KLF8: variants seen among roughly 807,000 people sequenced by gnomAD.
KLF8 encodes Krueppel-like factor 8.
A neutral mutation model predicts 18.2 loss-of-function variants in KLF8; 10 were observed. The observed-to-expected ratio is 0.55, with a 90% CI of 0.34 to 0.93. KLF8 has a LOEUF of 0.93. Among genes scored for constraint, KLF8 ranks in the 40% least tolerant of loss-of-function variants. KLF8 has a pLI of 0.02. For synonymous variants in KLF8, 109 were observed against 97.3 expected, an observed-to-expected ratio of 1.12 and a Z score of -0.71; for missense variants, 264 against 277.9, an observed-to-expected ratio of 0.95 and a Z score of 0.36.
At chrX:55,916,162 T>C in the KLF8 span, among the ~76,000 whole-genome samples, 3 of 112,015 alleles carry the variant, frequency 2.7e-5, no homozygotes, top group East Asian at 2.8e-4. Flanking sequence ...GGTCATGTAA[T>C]ATAAGCTATT....
At chrX:56,073,440 GAGTAATGCTGC>G in the KLF8 span, among the ~76,000 whole-genome samples, 5 of 111,617 alleles carry the variant, frequency 4.5e-5, no homozygotes, top group South Asian at 1.9e-3. Flanking sequence ...TGCTCATTGT[GAGTAATGCTGC>G]AGTGAACATT....
At chrX:56,168,481 A>G in the KLF8 span, among the ~76,000 whole-genome samples, 1 of 112,352 alleles carries the variant, frequency 8.9e-6, no homozygotes. Flanking sequence ...GACCTTTTAC[A>G]CATAAACATA....
the KLF8 span, among the ~76,000 whole-genome samples, chrX:56,220,834 G>T: frequency 8.9e-6 from 1 of 112,467 alleles, no homozygotes; most frequent in African/African-American, 3.2e-5. Flanking sequence ...AATTCTTTGA[G>T]AGGCACTTCT....
chrX:56,221,045 T>A, the KLF8 span, among the ~76,000 whole-genome samples: 1 of 112,281 alleles, frequency 8.9e-6, no homozygotes, highest in East Asian at 2.8e-4. Flanking sequence ...GGCAAAATAA[T>A]TTAAGTTAAA....
chrX:56,201,093 G>A, the KLF8 span, among the ~76,000 whole-genome samples: 1 of 111,755 alleles, frequency 8.9e-6, no homozygotes, highest in Non-Finnish European at 1.9e-5. Context: ...ATATGATTTA[G>A]CAATCCCACT....
chrX:56,136,875 C>A, the KLF8 span, among the ~76,000 whole-genome samples: 7 of 110,578 alleles, frequency 6.3e-5, no homozygotes, highest in African/African-American at 2.3e-4. Context: ...AGCTAATACC[C>A]AGAATTTACA....
At chrX:56,082,026 A>T in the KLF8 span, among the ~76,000 whole-genome samples, 1 of 111,358 alleles carries the variant, frequency 9.0e-6, no homozygotes, top group African/African-American at 3.3e-5. Flanking sequence ...GAGATGGATT[A>T]GTGTTGATTC....
At chrX:56,241,351 G>C in intron 1 of KLF8, among the ~76,000 whole-genome samples, 1 of 111,183 alleles carries the variant, frequency 9.0e-6, no homozygotes, top group Non-Finnish European at 1.9e-5. Context: ...TTTTTTAGTA[G>C]AGATGGCATT....
At chrX:56,137,998 A>C in the KLF8 span, among the ~76,000 whole-genome samples, 1 of 101,245 alleles carries the variant, frequency 9.9e-6, no homozygotes, top group Non-Finnish European at 2.0e-5. Context: ...ATGAAAAAAC[A>C]CAACCGGAAA....
At chrX:55,965,052 A>G in the KLF8 span, among the ~76,000 whole-genome samples, 3,947 of 111,557 alleles carry the variant, frequency 0.035, 155 homozygotes, top group African/African-American at 0.12. Context: ...AATTCATTCT[A>G]TGAGGCCAGA....
the KLF8 span, among the ~76,000 whole-genome samples, chrX:56,166,271 G>T: frequency 8.1e-5 from 9 of 110,754 alleles, no homozygotes; most frequent in South Asian, 3.4e-3. Flanking sequence ...TTTCATCAAG[G>T]TATTCTTAAG....
chrX:55,962,891 C>T, the KLF8 span, among the ~76,000 whole-genome samples: 1 of 112,587 alleles, frequency 8.9e-6, no homozygotes, highest in South Asian at 3.7e-4. Flanking sequence ...GAGAGAAGAC[C>T]TACTTCTATC....
chrX:56,212,165 C>T, the KLF8 span, among the ~76,000 whole-genome samples: 1 of 111,571 alleles, frequency 9.0e-6, no homozygotes, highest in Non-Finnish European at 1.9e-5. Flanking sequence ...TCCTATCTTG[C>T]TGTGGCTAAG....
At chrX:56,116,646 T>TAC in the KLF8 span, among the ~76,000 whole-genome samples, 11 of 101,315 alleles carry the variant, frequency 1.1e-4, no homozygotes, top group Non-Finnish European at 2.0e-4. Flanking sequence ...TATATATATA[T>TAC]ATATATATAT....
chrX:56,152,607 G>A, the KLF8 span, among the ~76,000 whole-genome samples: 4 of 111,289 alleles, frequency 3.6e-5, no homozygotes, highest in African/African-American at 1.3e-4. Flanking sequence ...ACATCAGTTA[G>A]AGGAAGCTGT....
At chrX:56,086,238 A>G in the KLF8 span, among the ~76,000 whole-genome samples, 9 of 111,735 alleles carry the variant, frequency 8.1e-5, no homozygotes, top group Non-Finnish European at 1.1e-4. Context: ...AGTAAATCGT[A>G]TTTCTCTACT....
the KLF8 span, among the ~76,000 whole-genome samples, chrX:56,021,367 G>A: frequency 9.0e-6 from 1 of 110,990 alleles, no homozygotes; most frequent in Non-Finnish European, 1.9e-5. Context: ...ATGGACATTT[G>A]GGTCATGTTC....
the KLF8 span, among the ~76,000 whole-genome samples, chrX:56,221,699 C>G: frequency 9.0e-6 from 1 of 111,513 alleles, no homozygotes; most frequent in Non-Finnish European, 1.9e-5. Flanking sequence ...GGTTCGTGGT[C>G]TCGCTGGCTT....
chrX:55,991,726 G>C, the KLF8 span, among the ~76,000 whole-genome samples: 1 of 112,208 alleles, frequency 8.9e-6, no homozygotes, highest in East Asian at 2.8e-4. Flanking sequence ...ACACCAGCAG[G>C]ATATTTATTC....
Sources: gnomAD v4.1 joint callset for allele counts (sites outside exome capture counted in the v4.1 genomes callset) on GRCh38, gnomAD v4.1.1 for gene constraint, MANE v1.5 for transcripts, NCBI Gene and HGNC (gene_info 2026-07-23, HGNC 2026-07-21) for gene names.